Variants in MSR1 observed in about 807,000 individuals in gnomAD.
The protein encoded by MSR1 is macrophage scavenger receptor types I and II.
A neutral mutation model predicts 47.2 loss-of-function variants in MSR1; 53 were observed. The observed-to-expected ratio is 1.12, with a 90% CI of 0.90 to 1.41. MSR1 has a LOEUF of 1.41. Among genes scored for constraint, MSR1 ranks in the 40% most tolerant of loss-of-function variants. The probability of loss-of-function intolerance (pLI) is 0.00; values close to 1 mark genes in which losing one functional copy is unlikely to be tolerated. For synonymous variants in MSR1, 239 were observed against 185.6 expected, an observed-to-expected ratio of 1.29 and a Z score of -2.34; for missense variants, 786 against 546.9, an observed-to-expected ratio of 1.44 and a Z score of -4.36.
At chr8:16,142,262 T>C (rs557535087) in intron 8 of MSR1, among the ~76,000 whole-genome samples, 2 of 152,026 alleles carry the variant, frequency 1.3e-5, no homozygotes, top group South Asian at 2.1e-4. Flanking sequence ...ACCCGGGAGG[T>C]GGAGGTTGCA....
At chr8:16,185,789 C>A (rs1177796165) in intron 1 of MSR1, among the ~76,000 whole-genome samples, 3 of 148,764 alleles carry the variant, frequency 2.0e-5, no homozygotes, top group African/African-American at 7.4e-5. Flanking sequence ...TAAAACACAG[C>A]ATTTTAACAA....
chr8:16,116,491 T>C (rs1799878424), intron 9 of MSR1, among the ~76,000 whole-genome samples: 1 of 152,106 alleles, frequency 6.6e-6, no homozygotes, highest in African/African-American at 2.4e-5. Flanking sequence ...CCTGAAAATT[T>C]AGACAAATTA....
At chr8:16,171,776 A>G (rs1344382774) in intron 3 of MSR1, among the ~76,000 whole-genome samples, 1 of 152,170 alleles carries the variant, frequency 6.6e-6, no homozygotes, top group Non-Finnish European at 1.5e-5. Flanking sequence ...GCAGTTAAGA[A>G]TTTAGATTCT....
intron 8 of MSR1, among the ~76,000 whole-genome samples, chr8:16,141,790 G>A (rs57893379): frequency 1.3e-3 from 200 of 152,186 alleles, no homozygotes; most frequent in African/African-American, 4.7e-3. Context: ...TTAGGTAATG[G>A]AAGACAGTGG....
At chr8:16,170,190 A>C (rs2117187470) in intron 3 of MSR1, among the ~76,000 whole-genome samples, 1 of 152,232 alleles carries the variant, frequency 6.6e-6, no homozygotes, top group South Asian at 2.1e-4. Flanking sequence ...TCTGCTAAAA[A>C]TACAAAAATT....
chr8:16,149,238 T>C (rs1169509441), intron 7 of MSR1, among the ~76,000 whole-genome samples: 1 of 152,144 alleles, frequency 6.6e-6, no homozygotes, highest in Non-Finnish European at 1.5e-5. Context: ...ACCACACTAA[T>C]GCAAGATGTT....
At chr8:16,139,313 T>C (rs1800468419) in intron 8 of MSR1, 2 of 982,616 alleles carry the variant, frequency 2.0e-6, no homozygotes. Flanking sequence ...CTGCGAAGCA[T>C]ACCTTACATC....
chr8:16,174,870 C>T (rs1585188148), intron 3 of MSR1, among the ~76,000 whole-genome samples: 1 of 152,094 alleles, frequency 6.6e-6, no homozygotes, highest in African/African-American at 2.4e-5. Context: ...TTGTCACCCA[C>T]ATTAGAAGGA....
intron 8 of MSR1, among the ~76,000 whole-genome samples, chr8:16,125,536 CCCA>C (rs1563141558): frequency 6.6e-6 from 1 of 152,066 alleles, no homozygotes; most frequent in Admixed American, 6.6e-5. Flanking sequence ...ATTCTTATGT[CCCA>C]TTTCTTTACA....
At chr8:16,111,574 A>C (rs993403609) in intron 9 of MSR1, among the ~76,000 whole-genome samples, 13 of 152,184 alleles carry the variant, frequency 8.5e-5, no homozygotes, top group African/African-American at 3.1e-4. Flanking sequence ...ATGAATAGCA[A>C]AGGAAAGAAA....
chr8:16,166,933 G>C (rs1277235458), intron 4 of MSR1, among the ~76,000 whole-genome samples: 1 of 84,058 alleles, frequency 1.2e-5, no homozygotes, highest in African/African-American at 3.7e-5. Flanking sequence ...GTGTACACAG[G>C]AGTACACACA....
intron 8 of MSR1, among the ~76,000 whole-genome samples, chr8:16,138,570 C>T (rs994151609): frequency 2.0e-5 from 3 of 152,078 alleles, no homozygotes; most frequent in Non-Finnish European, 4.4e-5. Flanking sequence ...TCTAGGATGT[C>T]AGATGACTTT....
At chr8:16,120,803 TTTAACAGCTG>T (rs1486710420) in intron 8 of MSR1, 197 bp from the exon 9 acceptor site, 5 of 696,592 alleles carry the variant, frequency 7.2e-6, no homozygotes, top group Non-Finnish European at 1.2e-5. Flanking sequence ...ATATTGCAGC[TTTAACAGCTG>T]TTAAGAGCAA....
intron 8 of MSR1, among the ~76,000 whole-genome samples, chr8:16,128,767 A>C (rs143511724): frequency 3.3e-5 from 5 of 152,224 alleles, no homozygotes; most frequent in African/African-American, 9.6e-5. Flanking sequence ...CACACTGAAA[A>C]TCTCTTTTCC....
intron 7 of MSR1, among the ~76,000 whole-genome samples, chr8:16,147,397 T>A (rs747443929): frequency 7.2e-5 from 11 of 151,788 alleles, no homozygotes; most frequent in African/African-American, 2.4e-5. Flanking sequence ...AGAAAAGGAG[T>A]GTGGGAGGGA....
chr8:16,143,367 A>G (rs542340460), intron 8 of MSR1, among the ~76,000 whole-genome samples, 191 bp downstream of exon 8: 1 of 152,248 alleles, frequency 6.6e-6, no homozygotes, highest in African/African-American at 2.4e-5. Context: ...AGATTGAAAG[A>G]GTTGTATAAT....
chr8:16,163,278 C>T (rs1801211658), intron 5 of MSR1, among the ~76,000 whole-genome samples: 1 of 151,634 alleles, frequency 6.6e-6, no homozygotes, highest in Non-Finnish European at 1.5e-5. Flanking sequence ...GAAATAAATA[C>T]AGTGCAAAGA....
chr8:16,174,533 T>C (rs1801584082), intron 3 of MSR1, among the ~76,000 whole-genome samples: 1 of 152,152 alleles, frequency 6.6e-6, no homozygotes, highest in Non-Finnish European at 1.5e-5. Flanking sequence ...TCCAAAGAAA[T>C]ATATACCTCA....
chr8:16,174,646 A>C (rs1300498822), intron 3 of MSR1, among the ~76,000 whole-genome samples: 2 of 152,186 alleles, frequency 1.3e-5, no homozygotes, highest in Non-Finnish European at 2.9e-5. Flanking sequence ...CCTATGAAAA[A>C]TGTGGTCATA....
Sources: gnomAD v4.1 joint callset for allele counts (sites outside exome capture counted in the v4.1 genomes callset) on GRCh38, gnomAD v4.1.1 for gene constraint, MANE v1.5 for transcripts, NCBI Gene and HGNC (gene_info 2026-07-23, HGNC 2026-07-21) for gene names.